PAN2: variants seen among roughly 807,000 people sequenced by gnomAD.
PAN2 encodes the protein PAN2-PAN3 deadenylation complex catalytic subunit PAN2.
PAN2 carries 68 observed loss-of-function variants against 133.3 expected under a neutral mutation model. The observed-to-expected ratio is 0.51, with a 90% confidence interval of 0.42 to 0.62. The LOEUF (loss-of-function observed/expected upper bound fraction) is 0.62. PAN2 is among the 20% of genes least tolerant of loss of function. The pLI is 0.00. For missense variants in PAN2, 1,042 were observed against 1,500.5 expected, an observed-to-expected ratio of 0.69 and a Z score of 5.05; for synonymous variants, 462 against 544.6, an observed-to-expected ratio of 0.85 and a Z score of 2.11.
intron 1 of PAN2, 79 bp from the exon 2 acceptor site, chr12:56,333,287 G>GAGGGA: frequency 1.7e-6 from 1 of 594,368 alleles, no homozygotes; most frequent in Non-Finnish European, 3.0e-6. Flanking sequence ...ATGGGGGCAG[G>GAGGGA]AGGGAGATGA....
At chr12:56,321,989 T>C in intron 20 of PAN2, 89 bp downstream of exon 20, 1 of 679,880 alleles carries the variant, frequency 1.5e-6, no homozygotes, top group Middle Eastern at 2.5e-4. Flanking sequence ...TGGTTACCAA[T>C]CCTAAGTACT....
intron 8 of PAN2, among the ~76,000 whole-genome samples, chr12:56,326,050 C>T (rs189434861): frequency 2.6e-4 from 39 of 152,330 alleles, no homozygotes; most frequent in Middle Eastern, 3.4e-3. Context: ...GCACTAAATG[C>T]TTATGACATT....
chr12:56,332,777 C>A (rs763208935), intron 2 of PAN2, 36 bp downstream of exon 2: 1 of 1,599,932 alleles, frequency 6.3e-7, no homozygotes, highest in South Asian at 1.1e-5. Flanking sequence ...AGACCTTCAA[C>A]ATCTTTCAAC....
chr12:56,324,274 T>C lies in PAN2; in HGVS notation c.1928+20A>G, dbSNP rs757359318. The C allele has an allele frequency of 6.2e-7, 1 of 1,612,682 alleles. No homozygotes were observed. The highest frequency in any genetic ancestry group is 1.1e-5 in the South Asian group (1 of 91,076). The stretch of plus-strand genomic sequence containing the variant: ...GGGCCTGTCATGATGGCTTTAACTA[T>C]TTCTATCCTGATTTCATACCTGCCT... On this transcript the variant is annotated intron_variant, in intron 12 of 25. Coordinates refer to ENST00000440411, the MANE Select transcript of PAN2 (RefSeq NM_014871.6).
At chr12:56,320,045 A>C in intron 20 of PAN2, 24 bp from the exon 21 acceptor site, 1 of 1,613,540 alleles carries the variant, frequency 6.2e-7, no homozygotes, top group Non-Finnish European at 8.5e-7. Context: ...TGCAGAGGAC[A>C]CAGGGCTTGG....
Position 56,325,449 on chromosome 12 carries a change from G to A in PAN2, c.1365C>T (p.Pro455=). 1 of 1,614,002 alleles carries A rather than the reference G, an allele frequency of 6.2e-7. No individual in the cohort carries two copies. The highest frequency in any genetic ancestry group is 8.5e-7 in the Non-Finnish European group (1 of 1,179,916). The change falls in exon 9 of 26, where the codon CCC becomes CCT. Residue 455 remains proline (P), a synonymous_variant. Coordinates refer to ENST00000440411, the MANE Select transcript of PAN2 (RefSeq NM_014871.6). ...CACTGTCTGACTCCTTGAGTCTGTA[G>A]GGTATCTAGGGATTTTAGGAAGAGG... ...NPRTRLRNQI[P]YRLKESDSEF...
At position 56,319,818 on chromosome 12, in the gene PAN2, T is replaced by C. The variant is rs1410158050; in HGVS notation, c.2946+46A>G. 3 of 1,613,334 alleles carry C rather than the reference T, an allele frequency of 1.9e-6. No individual in the cohort carries two copies. The Admixed American group carries it at 5.0e-5, about 27-fold the overall frequency. Reference sequence around the variant, plus strand: ...AGAGAAATGCTTACAACTCCTAATATCCTCAGCGTTCTCTTCCAATGCCCC... The same window carrying C: ...AGAGAAATGCTTACAACTCCTAATACCCTCAGCGTTCTCTTCCAATGCCCC... On this transcript the variant is annotated intron_variant, in intron 21 of 25. Transcript: ENST00000440411. The surrounding 1 kb of genome is among the most constrained non-coding windows in gnomAD (Gnocchi z 5.4).
chr12:56,330,413 G>A (rs1592447691), intron 2 of PAN2, among the ~76,000 whole-genome samples: 1 of 122,380 alleles, frequency 8.2e-6, no homozygotes, highest in Admixed American at 1.1e-4. Flanking sequence ...AGGCTGGAGT[G>A]CAGTGGCGGG....
chr12:56,325,559 T>G (rs1875020073), intron 8 of PAN2, 105 bp from the exon 9 acceptor site: 1 of 1,211,044 alleles, frequency 8.3e-7, no homozygotes. Flanking sequence ...GAACCTTCTA[T>G]ATTCATAGCA....
In PAN2 at chr12:56,324,037, C is replaced by T. The variant is rs960988263; in HGVS notation, c.2065+12G>A. On this transcript the variant is annotated intron_variant, in intron 13 of 25. Coordinates refer to ENST00000440411, the MANE Select transcript of PAN2 (RefSeq NM_014871.6). ...TTCCCAACTGAGCTGAAGGGTATAC[C>T]ACTTTTGCTACCATCAGGGTAGGAG... 3.1e-6 allele frequency: 5 copies of T among 1,613,994 alleles called. No homozygotes were observed. The highest frequency in any genetic ancestry group is 4.2e-6 in the Non-Finnish European group (5 of 1,179,998).
chr12:56,319,440 G>T lies in PAN2; in HGVS notation c.3138C>A (p.Leu1046=). 6.2e-7 allele frequency: 1 copy of T among 1,614,088 alleles called. No homozygotes were observed. The highest frequency in any genetic ancestry group is 8.5e-7 in the Non-Finnish European group (1 of 1,179,992). Residue 1046 remains leucine, a synonymous_variant, in exon 23 of 26, where the codon CTC becomes CTA. Transcript: ENST00000440411. This position sits in a 1 kb window ranked among gnomAD's most constrained non-coding sequence, Gnocchi z 5.4. ...TQYSGIKPGD[L]DAKISSKHLT... ...GGTGCTTGGAGGAAATTTTGGCATCGAGGTCACCAGGCTTTATACCCGAGT... is the reference window on the plus strand; with the variant it reads ...GGTGCTTGGAGGAAATTTTGGCATCTAGGTCACCAGGCTTTATACCCGAGT...
intron 9 of PAN2, 61 bp downstream of exon 9, chr12:56,325,274 T>C: frequency 6.2e-7 from 1 of 1,605,272 alleles, no homozygotes; most frequent in Non-Finnish European, 8.5e-7. Flanking sequence ...TCCTTTCTCA[T>C]ATGACTTCCT....
In PAN2 at chr12:56,318,497, C is replaced by A. The variant is rs1874150083; in HGVS notation, c.3365-63G>T. Reference sequence around the variant, plus strand: ...AAAGGGAGGTAGGAACATGTCTCCCCACTCCTACCTGACTCCAGAAAACTA... The same window carrying A: ...AAAGGGAGGTAGGAACATGTCTCCCAACTCCTACCTGACTCCAGAAAACTA... On this transcript the variant is annotated intron_variant, in intron 24 of 25. Transcript: ENST00000440411. 10 of 1,277,436 alleles carry A rather than the reference C, an allele frequency of 7.8e-6. No homozygotes were observed. The Admixed American group carries it at 1.7e-4, about 21-fold the overall frequency. 79.1% of individuals were successfully genotyped at this position (1,277,436 alleles called of 1,614,324 possible). A position where few individuals can be genotyped will look rare whatever the true frequency, so the allele number is the denominator to read the frequency against.
intron 2 of PAN2, among the ~76,000 whole-genome samples, chr12:56,329,422 G>A (rs1214133425): frequency 6.6e-6 from 1 of 151,906 alleles, no homozygotes; most frequent in African/African-American, 2.4e-5. Context: ...TGCAACCTCT[G>A]CCTCCCAGGT....
Position 56,319,132 on chromosome 12 carries a change from C to T in PAN2, c.3320G>A (p.Arg1107Gln), listed in dbSNP as rs1414932329. The change falls in exon 24 of 26, where the codon CGA becomes CAA. Residue 1107 changes from arginine (R) to glutamine (Q), a missense_variant. By Grantham distance (43) the Arg-to-Gln change is conservative (BLOSUM62 1). Transcript: ENST00000440411. This position sits in a 1 kb window ranked among gnomAD's most constrained non-coding sequence, Gnocchi z 5.4. ...GAATCGCAGGGAAATCATTCGTTTT[C>T]GGGGCATATGGAACAGGTAGACAGT... is the stretch of plus-strand genomic sequence containing the variant. ...LDTVYLFHMP[R>Q]KRMISLRFLA... The T allele has an allele frequency of 1.9e-6, 3 of 1,614,050 alleles. No individual in the cohort carries two copies. Among genetic ancestry groups the T allele is most frequent in the Non-Finnish European group, 2.5e-6 (3 of 1,180,024 alleles).
chr12:56,333,104 G>GAC lies in PAN2; in HGVS notation c.-11_-10insGT, dbSNP rs1876095865. 1.2e-6 allele frequency: 2 copies of GAC among 1,612,198 alleles called. No homozygotes were observed. The highest frequency in any genetic ancestry group is 2.7e-5 in the African/African-American group (2 of 74,868). ...GACCCTCAAAGTTCATGATGACGATGGCAGCTTACACCTGTGTCACACCCT... is the reference window on the plus strand; with the variant it reads ...GACCCTCAAAGTTCATGATGACGATGACGCAGCTTACACCTGTGTCACACCCT... On this transcript the variant is annotated 5_prime_UTR_variant, in exon 2 of 26. Transcript: ENST00000440411.
rs752286546 is a variant in PAN2 at position 56,333,009 on chromosome 12, A to C, written c.86T>G (p.Leu29Arg). Reference sequence around the variant, plus strand: ...CACATTCTGTAGCAGACTTGGGTTCAGGTGGGCATCCAAGACAGGGTCCAG... The same window carrying C: ...CACATTCTGTAGCAGACTTGGGTTCCGGTGGGCATCCAAGACAGGGTCCAG... ...SALDPVLDAH[L>R]NPSLLQNVEL... The change falls in exon 2 of 26, where the codon CTG becomes CGG. Residue 29 changes from leucine to arginine, a missense_variant. This residue lies in a region of PAN2 where 908 missense variants were observed against 1,223.5 expected (regional missense o/e 0.74). Coordinates refer to ENST00000440411, the MANE Select transcript of PAN2 (RefSeq NM_014871.6). 6.2e-7 allele frequency: 1 copy of C among 1,614,170 alleles called. No individual in the cohort carries two copies. Among genetic ancestry groups the C allele is most frequent in the Admixed American group, 1.7e-5 (1 of 60,024 alleles).
At position 56,332,988 on chromosome 12, in the gene PAN2, T is replaced by C. The variant is rs766147397; in HGVS notation, c.107A>G (p.Asn36Ser). 39 of 1,614,076 alleles carry C rather than the reference T, an allele frequency of 2.4e-5. No homozygotes were observed. The Admixed American group carries it at 6.3e-4, about 26-fold the overall frequency. ...CACTCCCTCTGGGTCCAGCTCCACA[T>C]TCTGTAGCAGACTTGGGTTCAGGTG... ...DAHLNPSLLQ[N>S]VELDPEGVAL... Residue 36 changes from asparagine to serine, a missense_variant, in exon 2 of 26, where the codon AAT (asparagine) becomes AGT (serine). Transcript: ENST00000440411.
At chr12:56,327,304 G>A (rs1487825734) in intron 6 of PAN2, 60 bp downstream of exon 6, 12 of 1,562,604 alleles carry the variant, frequency 7.7e-6, no homozygotes, top group South Asian at 3.4e-5. Context: ...GTACTCCTTC[G>A]GGTTCTAGCT....
Sources: gnomAD v4.1 joint callset for allele counts (sites outside exome capture counted in the v4.1 genomes callset) on GRCh38, gnomAD v4.1.1 for gene constraint, gnomAD v4.1.1 regional missense constraint, Gnocchi (gnomAD v3.1) non-coding constraint, MANE v1.5 for transcripts, NCBI Gene and HGNC (gene_info 2026-07-23, HGNC 2026-07-21) for gene names.